GLRA2: variants seen among roughly 807,000 people sequenced by gnomAD.
The protein encoded by GLRA2 is glycine receptor subunit alpha-2.
In GLRA2, 11 loss-of-function variants were observed where a neutral mutation model predicts 31.6. That is an observed-to-expected ratio of 0.35 (90% confidence interval 0.22 to 0.58). The LOEUF (loss-of-function observed/expected upper bound fraction) is 0.58, where lower values mean the gene tolerates loss of function less well. GLRA2 is among the 20% of genes least tolerant of loss of function. The probability of loss-of-function intolerance (pLI) is 0.84; values close to 1 mark genes in which losing one functional copy is unlikely to be tolerated. For synonymous variants in GLRA2, 132 were observed against 134.0 expected (o/e 0.99, Z 0.10); for missense variants, 212 against 351.8 (o/e 0.60, Z 3.18).
chrX:14,664,668 T>G (rs1160072515), intron 7 of GLRA2, among the ~76,000 whole-genome samples: 1 of 112,243 alleles, frequency 8.9e-6, no homozygotes, highest in Non-Finnish European at 1.9e-5. Flanking sequence ...TGCATTATAA[T>G]TTACTTGTCC....
chrX:14,581,444 T>TAGCGGAGAAATGGAGA, intron 4 of GLRA2, 38 bp downstream of exon 4: 1 of 791,669 alleles, frequency 1.3e-6, no homozygotes, highest in Non-Finnish European at 1.9e-6. Context: ...GCATCTCCAT[T>TAGCGGAGAAATGGAGA]TCTCCACTAA....
chrX:14,582,711 C>G (rs1413192734), intron 4 of GLRA2, among the ~76,000 whole-genome samples: 1 of 112,039 alleles, frequency 8.9e-6, no homozygotes, highest in Admixed American at 9.5e-5. Flanking sequence ...CCATGTTTAT[C>G]TCTGTATATT....
intron 7 of GLRA2, among the ~76,000 whole-genome samples, chrX:14,630,288 C>G (rs985211889): frequency 8.9e-6 from 1 of 111,741 alleles, no homozygotes; most frequent in African/African-American, 3.2e-5. Flanking sequence ...TTCACACTTG[C>G]ACTGTTTCCA....
the GLRA2 span, among the ~76,000 whole-genome samples, chrX:14,469,348 T>C: frequency 9.0e-6 from 1 of 110,817 alleles, no homozygotes; most frequent in Non-Finnish European, 1.9e-5. Context: ...TTGTATAAGG[T>C]GTAAGGAAGG....
chrX:14,471,669 A>G, the GLRA2 span, among the ~76,000 whole-genome samples: 3 of 112,333 alleles, frequency 2.7e-5, no homozygotes, highest in East Asian at 8.4e-4. Flanking sequence ...AGATGGTCCA[A>G]TTTGCACAGC....
the GLRA2 span, among the ~76,000 whole-genome samples, chrX:14,500,588 G>T: frequency 8.9e-6 from 1 of 112,221 alleles, no homozygotes; most frequent in Admixed American, 9.4e-5. Context: ...GGGAATCCAA[G>T]ATGGTGGGGA....
At chrX:14,467,250 T>G in the GLRA2 span, among the ~76,000 whole-genome samples, 1 of 112,285 alleles carries the variant, frequency 8.9e-6, no homozygotes, top group African/African-American at 3.2e-5. Flanking sequence ...AGCAAATAAA[T>G]GCCTTTGTAA....
chrX:14,712,389 G>A (rs1406519374), intron 8 of GLRA2, among the ~76,000 whole-genome samples: 6 of 111,460 alleles, frequency 5.4e-5, no homozygotes, highest in Non-Finnish European at 7.5e-5. Context: ...AGAATCACTC[G>A]TCTACATGTT....
chrX:14,472,039 C>T, the GLRA2 span, among the ~76,000 whole-genome samples: 3 of 111,815 alleles, frequency 2.7e-5, no homozygotes, highest in South Asian at 3.7e-4. Flanking sequence ...TAGAAGCCAA[C>T]GAATACATCC....
At chrX:14,507,686 A>ATTTTT in the GLRA2 span, among the ~76,000 whole-genome samples, 14 of 56,040 alleles carry the variant, frequency 2.5e-4, no homozygotes, top group Non-Finnish European at 5.1e-4. Flanking sequence ...TACGAAAGAC[A>ATTTTT]TTCTTTTTTT....
chrX:14,492,304 A>G, the GLRA2 span, among the ~76,000 whole-genome samples: 1 of 111,075 alleles, frequency 9.0e-6, no homozygotes, highest in Admixed American at 9.6e-5. Flanking sequence ...ACTGAGATGC[A>G]TTCCTATCAT....
chrX:14,564,046 AT>A (rs1453384309), intron 2 of GLRA2, among the ~76,000 whole-genome samples: 2 of 111,671 alleles, frequency 1.8e-5, no homozygotes, highest in Non-Finnish European at 3.8e-5. Flanking sequence ...GAATAAAAAA[AT>A]TTTGAGAAAT....
the GLRA2 span, among the ~76,000 whole-genome samples, chrX:14,505,298 G>T: frequency 8.9e-6 from 1 of 112,150 alleles, no homozygotes; most frequent in East Asian, 2.8e-4. Flanking sequence ...AGTAAGAAAA[G>T]ATCTGGGAAC....
At chrX:14,560,559 C>T (rs1487137919) in intron 2 of GLRA2, among the ~76,000 whole-genome samples, 1 of 110,899 alleles carries the variant, frequency 9.0e-6, no homozygotes, top group Non-Finnish European at 1.9e-5. Flanking sequence ...CCTATAATCC[C>T]AGCACTTCAG....
the GLRA2 span, among the ~76,000 whole-genome samples, chrX:14,507,036 A>G: frequency 1.8e-5 from 2 of 112,113 alleles, no homozygotes; most frequent in African/African-American, 3.2e-5. Flanking sequence ...GCTACACTCT[A>G]CATTCCAGCA....
chrX:14,506,951 G>A, the GLRA2 span, among the ~76,000 whole-genome samples: 28 of 111,896 alleles, frequency 2.5e-4, no homozygotes, highest in African/African-American at 8.5e-4. Context: ...CTATTAATAA[G>A]AATATGTTTT....
the GLRA2 span, among the ~76,000 whole-genome samples, chrX:14,462,107 A>G: frequency 3.6e-5 from 4 of 111,468 alleles, no homozygotes; most frequent in Non-Finnish European, 7.5e-5. Context: ...TTGCTTATGA[A>G]GCTTAGTTTG....
At chrX:14,460,281 T>G in the GLRA2 span, among the ~76,000 whole-genome samples, 5 of 112,232 alleles carry the variant, frequency 4.5e-5, no homozygotes, top group Non-Finnish European at 7.5e-5. Context: ...TGCCAGTGTT[T>G]TATTGAGGAT....
At chrX:14,483,520 C>T in the GLRA2 span, among the ~76,000 whole-genome samples, 35 of 112,217 alleles carry the variant, frequency 3.1e-4, no homozygotes, top group African/African-American at 1.0e-3. Flanking sequence ...CTTGCATTAT[C>T]TGACTACAGT....
Sources: gnomAD v4.1 joint callset for allele counts (sites outside exome capture counted in the v4.1 genomes callset) on GRCh38, gnomAD v4.1.1 for gene constraint, MANE v1.5 for transcripts, NCBI Gene and HGNC (gene_info 2026-07-23, HGNC 2026-07-21) for gene names.